Variants in KAZN observed in about 807,000 individuals in gnomAD.
KAZN encodes the protein kazrin.
In KAZN, 40 loss-of-function variants were observed where a neutral mutation model predicts 87.4. The observed-to-expected ratio is 0.46, with a 90% CI of 0.36 to 0.60. The LOEUF (loss-of-function observed/expected upper bound fraction) is 0.60, where lower values mean the gene tolerates loss of function less well. Among genes scored for constraint, KAZN ranks in the 20% least tolerant of loss-of-function variants. The pLI is 0.00. For synonymous variants in KAZN, 466 were observed against 458.3 expected, an observed-to-expected ratio of 1.02 and a Z score of -0.22; for missense variants, 898 against 1,073.9, an observed-to-expected ratio of 0.84 and a Z score of 2.29.
chr1:14,102,535 G>A (rs1644280371), intron 1 of KAZN, among the ~76,000 whole-genome samples: 2 of 152,002 alleles, frequency 1.3e-5, no homozygotes, highest in Admixed American at 6.6e-5. Flanking sequence ...ACTGCTGCTG[G>A]CTTCCTCCGT....
intron 2 of KAZN, among the ~76,000 whole-genome samples, chr1:14,493,952 C>T (rs542197495): frequency 1.3e-5 from 2 of 152,216 alleles, no homozygotes; most frequent in African/African-American, 4.8e-5. Flanking sequence ...AGACAATTCT[C>T]TTTCAACCTC....
chr1:14,682,504 T>G (rs1640728753), intron 1 of KAZN, among the ~76,000 whole-genome samples: 1 of 151,710 alleles, frequency 6.6e-6, no homozygotes, highest in Non-Finnish European at 1.5e-5. Context: ...CCCATACTGG[T>G]CTCAAACTCC....
intron 1 of KAZN, among the ~76,000 whole-genome samples, chr1:14,627,235 G>A (rs898196344): frequency 6.6e-6 from 1 of 151,914 alleles, no homozygotes; most frequent in Non-Finnish European, 1.5e-5. Flanking sequence ...GGGATGTCAG[G>A]GGGCCAAGCG....
At position 14,318,849 on chromosome 1, in the gene KAZN, G is replaced by A. The variant is rs569920637; in HGVS notation, c.249+138257G>A. ...TAAGTCTTAGTTTCAGATGTTATACGTCTAGAGACTTCATTGGTTCTTTAT... is the reference window on the plus strand; with the variant it reads ...TAAGTCTTAGTTTCAGATGTTATACATCTAGAGACTTCATTGGTTCTTTAT... On this transcript the variant is annotated intron_variant, in intron 2 of 16. Coordinates refer to the KAZN transcript ENST00000636203. 2.1e-4 allele frequency among the ~76,000 whole-genome samples: 31 copies of A among 144,896 alleles called. 1 individual carries two copies. In the South Asian group the frequency reaches 4.4e-3, roughly 20 times the overall value.
At chr1:14,298,415 G>A (rs553061350) in intron 2 of KAZN, among the ~76,000 whole-genome samples, 4 of 152,290 alleles carry the variant, frequency 2.6e-5, no homozygotes, top group Admixed American at 2.6e-4. Flanking sequence ...TCATTAGACT[G>A]TTGATGGAGA....
chr1:14,466,264 C>G (rs967708945), intron 2 of KAZN, among the ~76,000 whole-genome samples: 4 of 152,058 alleles, frequency 2.6e-5, no homozygotes, highest in African/African-American at 7.2e-5. Context: ...TTAGTGGCTC[C>G]CTATGACATG....
chr1:14,656,907 A>G (rs994441274), intron 1 of KAZN, among the ~76,000 whole-genome samples: 2 of 152,150 alleles, frequency 1.3e-5, no homozygotes, highest in African/African-American at 4.8e-5. Flanking sequence ...AACAATGCAA[A>G]ATCGTGCTAT....
chr1:14,258,092 G>A (rs1650694087), intron 2 of KAZN, among the ~76,000 whole-genome samples: 1 of 151,266 alleles, frequency 6.6e-6, no homozygotes. Context: ...AGAGAGAGAG[G>A]AGAGCCTGAG....
At chr1:14,818,642 C>A (rs2100815140) in intron 1 of KAZN, among the ~76,000 whole-genome samples, 1 of 152,318 alleles carries the variant, frequency 6.6e-6, no homozygotes, top group Non-Finnish European at 1.5e-5. Context: ...TGGTGTCTCC[C>A]ATTGGCCAAA....
At chr1:14,553,601 G>C (rs560627225) in intron 2 of KAZN, among the ~76,000 whole-genome samples, 33 of 152,308 alleles carry the variant, frequency 2.2e-4, no homozygotes, top group African/African-American at 7.9e-4. Flanking sequence ...GGGCCATGCG[G>C]CTAGTGAAGG....
At chr1:14,316,207 G>C (rs915965170) in intron 2 of KAZN, among the ~76,000 whole-genome samples, 1 of 151,824 alleles carries the variant, frequency 6.6e-6, no homozygotes. Context: ...TTCTTCTCTG[G>C]TGAAGTATCT....
At chr1:14,205,768 C>A (rs970702095) in intron 2 of KAZN, among the ~76,000 whole-genome samples, 6 of 150,330 alleles carry the variant, frequency 4.0e-5, no homozygotes, top group African/African-American at 1.5e-4. Context: ...TGCCTGTAAT[C>A]CTAGCTACTT....
intron 1 of KAZN, among the ~76,000 whole-genome samples, chr1:14,675,063 G>A (rs1005879958): frequency 3.9e-5 from 6 of 152,170 alleles, no homozygotes; most frequent in African/African-American, 1.4e-4. Context: ...CCCTGTGCTG[G>A]CATTGAGGTC....
intron 1 of KAZN, among the ~76,000 whole-genome samples, chr1:14,713,606 G>A (rs1318274322): frequency 7.2e-5 from 11 of 151,870 alleles, no homozygotes; most frequent in African/African-American, 1.7e-4. Context: ...TACAGAGGAC[G>A]GCCCTCACAG....
At chr1:15,108,257 T>G (rs1641364257) in intron 13 of KAZN, among the ~76,000 whole-genome samples, 1 of 152,152 alleles carries the variant, frequency 6.6e-6, no homozygotes, top group Non-Finnish European at 1.5e-5. Context: ...AAGGACACAT[T>G]GAGCTTAGAT....
chr1:14,197,670 A>G (rs1411553792), intron 2 of KAZN, among the ~76,000 whole-genome samples: 1 of 152,218 alleles, frequency 6.6e-6, no homozygotes, highest in East Asian at 1.9e-4. Context: ...CCTGTGTGAC[A>G]CAGCAAGACT....
chr1:14,657,473 A>G (rs918907509), intron 1 of KAZN, among the ~76,000 whole-genome samples: 8 of 152,172 alleles, frequency 5.3e-5, no homozygotes, highest in African/African-American at 1.9e-4. Context: ...ATTTCTCACA[A>G]GTTTCCAGGT....
intron 1 of KAZN, among the ~76,000 whole-genome samples, chr1:14,659,162 C>A (rs909228418): frequency 6.6e-6 from 1 of 151,982 alleles, no homozygotes; most frequent in African/African-American, 2.4e-5. Context: ...TGCTTGAACC[C>A]CGTTGTAGTG....
chr1:14,379,734 A>G (rs1427306346), intron 2 of KAZN, among the ~76,000 whole-genome samples: 1 of 152,188 alleles, frequency 6.6e-6, no homozygotes, highest in Non-Finnish European at 1.5e-5. Flanking sequence ...GTACAATAGA[A>G]CACCAGGTAG....
Sources: gnomAD v4.1 joint callset for allele counts (sites outside exome capture counted in the v4.1 genomes callset) on GRCh38, gnomAD v4.1.1 for gene constraint, MANE v1.5 for transcripts, NCBI Gene and HGNC (gene_info 2026-07-23, HGNC 2026-07-21) for gene names.